Variants in ABCC1 observed in about 807,000 individuals in gnomAD.
ABCC1 encodes the protein multidrug resistance-associated protein 1.
Under a neutral mutation model 172.9 loss-of-function variants are expected in ABCC1, and 83 were observed. The observed-to-expected ratio is 0.48, with a 90% CI of 0.40 to 0.58. The LOEUF is 0.58. Among genes scored for constraint, ABCC1 ranks in the 20% least tolerant of loss-of-function variants. ABCC1 has a pLI of 0.00. For synonymous variants in ABCC1, 937 were observed against 825.2 expected, an observed-to-expected ratio of 1.14 and a Z score of -2.32; for missense variants, 1,817 against 2,002.7, an observed-to-expected ratio of 0.91 and a Z score of 1.77.
At chr16:16,040,064 TTGTA>T (rs10543561) in intron 7 of ABCC1, among the ~76,000 whole-genome samples, 21,056 of 134,648 alleles carry the variant, frequency 0.16, 1,820 homozygotes, top group Admixed American at 0.2. Context: ...GTTTGTTTGT[TTGTA>T]TGTATGTATG....
intron 1 of ABCC1, among the ~76,000 whole-genome samples, chr16:15,999,285 G>T (rs1170851975): frequency 6.6e-6 from 1 of 152,038 alleles, no homozygotes; most frequent in African/African-American, 2.4e-5. Flanking sequence ...GTTTACAGGC[G>T]TGAGCCACTG....
intron 19 of ABCC1, among the ~76,000 whole-genome samples, chr16:16,096,300 G>A (rs974907833): frequency 2.0e-5 from 3 of 151,582 alleles, no homozygotes; most frequent in Non-Finnish European, 4.4e-5. Context: ...CAGAAGGGGA[G>A]CTGTTGTTAG....
chr16:15,999,620 GAAA>G (rs112970544), intron 1 of ABCC1, among the ~76,000 whole-genome samples: 3 of 141,504 alleles, frequency 2.1e-5, no homozygotes, highest in African/African-American at 7.7e-5. Flanking sequence ...CGTCTCAAAA[GAAA>G]AAAAAAATAG....
chr16:16,030,641 T>A (rs916388497), intron 5 of ABCC1, among the ~76,000 whole-genome samples: 7 of 151,856 alleles, frequency 4.6e-5, no homozygotes, highest in African/African-American at 1.7e-4. Context: ...TCTGCTTGGC[T>A]CTTGAGCCTT....
intron 1 of ABCC1, among the ~76,000 whole-genome samples, chr16:15,974,595 C>T (rs960391287): frequency 2.0e-5 from 3 of 152,108 alleles, no homozygotes; most frequent in African/African-American, 7.2e-5. Context: ...GGACATGCTG[C>T]GTTTCATGGA....
chr16:16,124,708 C>T, intron 24 of ABCC1, 81 bp from the exon 25 acceptor site: 1 of 1,590,740 alleles, frequency 6.3e-7, no homozygotes, highest in Non-Finnish European at 8.6e-7. Flanking sequence ...AAAGAATCCC[C>T]TTCCTCCCCC....
intron 1 of ABCC1, among the ~76,000 whole-genome samples, chr16:15,970,456 A>G (rs1183070022): frequency 6.6e-6 from 1 of 152,244 alleles, no homozygotes; most frequent in African/African-American, 2.4e-5. Flanking sequence ...GATGTTACTC[A>G]GGGATGAGGG....
chr16:16,013,951 G>A (rs2047893294), intron 3 of ABCC1, among the ~76,000 whole-genome samples: 1 of 152,164 alleles, frequency 6.6e-6, no homozygotes, highest in Non-Finnish European at 1.5e-5. Context: ...CCCCGGGAAC[G>A]TTGAGCATCA....
intron 23 of ABCC1, among the ~76,000 whole-genome samples, chr16:16,116,293 G>A (rs891090297): frequency 2.6e-5 from 4 of 152,078 alleles, no homozygotes; most frequent in Admixed American, 2.6e-4. Context: ...GATCAAGGAA[G>A]GGAAGTAGGG....
At chr16:16,134,636 T>TC (rs2045847384) in intron 28 of ABCC1, 128 bp downstream of exon 28, 1 of 1,131,432 alleles carries the variant, frequency 8.8e-7, no homozygotes, top group African/African-American at 1.6e-5. Flanking sequence ...TTTTTTTTTT[T>TC]TTTTTTTTTT....
intron 7 of ABCC1, among the ~76,000 whole-genome samples, chr16:16,038,052 G>GGATGGATGGATA (rs1288362123): frequency 1.3e-5 from 2 of 152,038 alleles, no homozygotes; most frequent in Non-Finnish European, 2.9e-5. Flanking sequence ...TAGGATGGAT[G>GGATGGATGGATA]GATGGATGGA....
intron 1 of ABCC1, among the ~76,000 whole-genome samples, chr16:16,003,829 G>C (rs1319274746): frequency 7.4e-6 from 1 of 134,698 alleles, no homozygotes; most frequent in African/African-American, 2.9e-5. Flanking sequence ...GAATTGGTAG[G>C]TGGGTAGGGT....
At chr16:16,079,521 G>C in intron 16 of ABCC1, 43 bp downstream of exon 16, 1 of 1,584,806 alleles carries the variant, frequency 6.3e-7, no homozygotes. Context: ...GGAAGCTGGT[G>C]GTCTGAGGAA....
In ABCC1 at chr16:16,083,454, C is replaced by A; in HGVS notation, c.2204C>A (p.Pro735Gln). 1 of 1,613,962 alleles carries A rather than the reference C, an allele frequency of 6.2e-7. No homozygotes were observed. The highest frequency in any genetic ancestry group is 2.2e-5 in the East Asian group (1 of 44,882). Residue 735 changes from proline (P) to glutamine (Q), a missense_variant, in exon 17 of 31, where the codon CCA (proline) becomes CAA (glutamine). Physicochemically the swap from Pro to Gln is moderately conservative, Grantham distance 76. Around this residue, in one of 3 missense-constraint regions of ABCC1, gnomAD observed 1,412 missense variants for 1,600.3 expected, o/e 0.88. Coordinates refer to ENST00000399410, the MANE Select transcript of ABCC1 (RefSeq NM_004996.4). ...NILFGCQLEE[P>Q]YYRSVIQACA... ...CTTTTTGGATGTCAGCTGGAGGAAC[C>A]ATATTACAGGTCCGTGATACAGGCC...
At chr16:16,129,333 C>T (rs546711021) in intron 26 of ABCC1, among the ~76,000 whole-genome samples, 124 of 152,038 alleles carry the variant, frequency 8.2e-4, no homozygotes, top group Non-Finnish European at 1.4e-3. Context: ...GCCTTAGTTG[C>T]ATTGTAAGCG....
intron 1 of ABCC1, among the ~76,000 whole-genome samples, chr16:16,007,082 G>C (rs1333669734): frequency 6.6e-6 from 1 of 152,118 alleles, no homozygotes; most frequent in Non-Finnish European, 1.5e-5. Context: ...TATCCTTCAG[G>C]GTTCCTTTAA....
chr16:16,085,828 TGGGA>T (rs1248849206), intron 17 of ABCC1, among the ~76,000 whole-genome samples: 4 of 152,070 alleles, frequency 2.6e-5, no homozygotes, highest in Non-Finnish European at 5.9e-5. Context: ...CCTCAGTGCA[TGGGA>T]GTCAGGGCAG....
chr16:16,141,029 A>G (rs142340218), intron 30 of ABCC1, 144 bp from the exon 31 acceptor site: 265 of 662,718 alleles, frequency 4.0e-4, no homozygotes, highest in Non-Finnish European at 5.4e-4. Context: ...AGGGTGAGCA[A>G]CCAGCTGGAA....
intron 22 of ABCC1, among the ~76,000 whole-genome samples, chr16:16,112,105 A>G (rs375726830): frequency 7.9e-5 from 12 of 152,282 alleles, no homozygotes; most frequent in African/African-American, 2.9e-4. Flanking sequence ...GTAATCCCAC[A>G]CTTTGGGAGG....
Sources: allele counts gnomAD v4.1 joint callset (sites outside exome capture counted in the v4.1 genomes callset), GRCh38; gene constraint gnomAD v4.1.1; regional missense constraint gnomAD v4.1.1; transcripts MANE v1.5; gene names NCBI Gene and HGNC (gene_info 2026-07-23, HGNC 2026-07-21).